Variants in IL2RB observed in about 807,000 individuals in gnomAD.
IL2RB encodes the protein interleukin 2 receptor subunit beta, also known as interleukin-2 receptor subunit beta.
A neutral mutation model predicts 44.2 loss-of-function variants in IL2RB; 17 were observed. The observed-to-expected ratio is 0.38, with a 90% CI of 0.26 to 0.58. IL2RB has a LOEUF of 0.58. Among genes scored for constraint, IL2RB ranks in the 20% least tolerant of loss-of-function variants. IL2RB has a pLI of 0.63. For synonymous variants in IL2RB, 286 were observed against 297.9 expected, an observed-to-expected ratio of 0.96 and a Z score of 0.41; for missense variants, 624 against 685.5, an observed-to-expected ratio of 0.91 and a Z score of 1.00.
At chr22:37,145,982 G>A (rs1304378348) in intron 1 of IL2RB, among the ~76,000 whole-genome samples, 2 of 152,050 alleles carry the variant, frequency 1.3e-5, no homozygotes, top group East Asian at 3.9e-4. Context: ...CGTCCCTCCC[G>A]ATGGTCTGCA....
chr22:37,130,930 G>C (rs1249328529), intron 9 of IL2RB, among the ~76,000 whole-genome samples: 5 of 152,356 alleles, frequency 3.3e-5, no homozygotes, highest in African/African-American at 9.6e-5. Flanking sequence ...ACTTTGGGAG[G>C]CCGAGGCGGG....
At chr22:37,135,086 G>A (rs534278148) in intron 8 of IL2RB, among the ~76,000 whole-genome samples, 1 of 152,120 alleles carries the variant, frequency 6.6e-6, no homozygotes, top group Non-Finnish European at 1.5e-5. Flanking sequence ...GCCCCCCTGT[G>A]GGGATGCGAC....
chr22:37,137,504 T>G, intron 6 of IL2RB, 83 bp downstream of exon 6: 1 of 1,477,218 alleles, frequency 6.8e-7, no homozygotes, highest in East Asian at 2.3e-5. Flanking sequence ...TGAGGGGACC[T>G]CGACACAATG....
chr22:37,137,546 A>G (rs763844954), intron 6 of IL2RB, 41 bp downstream of exon 6: 2 of 1,608,150 alleles, frequency 1.2e-6, no homozygotes, highest in Non-Finnish European at 1.7e-6. Flanking sequence ...CAGGACAGGA[A>G]GGAGGAACCA....
At position 37,126,512 on chromosome 22, in the gene IL2RB, A is replaced by C. The variant is rs1307889792; in HGVS notation, c.*1584T>G. The C allele has an allele frequency of 3.3e-5, 5 of 152,222 alleles. No individual in the cohort carries two copies. The highest frequency in any genetic ancestry group is 7.3e-5 in the Non-Finnish European group (5 of 68,066). The allele number at this position is 152,222 out of a possible 1,614,324, so 9.4% of individuals were successfully genotyped here. ...CTCCCTCCCTGAGTTCAAACGCCCA[A>C]GACAGAGTTGATCTGATTGGCTAGT... On this transcript the variant is annotated 3_prime_UTR_variant, in exon 10 of 10. Transcript: ENST00000216223.
intron 1 of IL2RB, among the ~76,000 whole-genome samples, chr22:37,146,410 G>A (rs771678237): frequency 6.6e-6 from 1 of 152,136 alleles, no homozygotes. Flanking sequence ...ACAGGAGCAG[G>A]TGCATGTACC....
intron 1 of IL2RB, among the ~76,000 whole-genome samples, chr22:37,145,780 C>A (rs1922195140): frequency 6.6e-6 from 1 of 151,954 alleles, no homozygotes; most frequent in South Asian, 2.1e-4. Flanking sequence ...GAACATCCTT[C>A]CCTCCCTCCT....
upstream of IL2RB, among the ~76,000 whole-genome samples, chr22:37,153,342 T>C (rs1248649944): frequency 6.6e-6 from 1 of 152,180 alleles, no homozygotes; most frequent in Admixed American, 6.5e-5. Context: ...CCAACTCCCA[T>C]GTGCAAAGCC....
intron 1 of IL2RB, among the ~76,000 whole-genome samples, chr22:37,163,879 CTGAGACCAGCTCAT>C (rs1299440229): frequency 6.6e-6 from 1 of 152,262 alleles, no homozygotes; most frequent in Non-Finnish European, 1.5e-5. Context: ...CTGGAGGAAA[CTGAGACCAGCTCAT>C]TCCTCAGTGC....
intron 1 of IL2RB, among the ~76,000 whole-genome samples, chr22:37,146,688 G>A (rs1029534795): frequency 3.3e-5 from 5 of 152,206 alleles, no homozygotes; most frequent in East Asian, 1.9e-4. Context: ...CAGCAGGGCC[G>A]GCGTTGACCA....
At chr22:37,158,434 C>T (rs969267260) in intron 1 of IL2RB, among the ~76,000 whole-genome samples, 5 of 152,032 alleles carry the variant, frequency 3.3e-5, no homozygotes, top group Non-Finnish European at 7.4e-5. Flanking sequence ...GTGGGCACCC[C>T]GTAGTCCCAG....
intron 1 of IL2RB, among the ~76,000 whole-genome samples, chr22:37,158,428 G>A (rs886838745): frequency 2.6e-5 from 4 of 152,120 alleles, no homozygotes; most frequent in Non-Finnish European, 5.9e-5. Flanking sequence ...GTGGTGGTGG[G>A]CACCCCGTAG....
upstream of IL2RB, among the ~76,000 whole-genome samples, chr22:37,154,700 C>T (rs1922618224): frequency 6.6e-6 from 1 of 151,960 alleles, no homozygotes; most frequent in Admixed American, 6.6e-5. Context: ...CTCAGCTTCC[C>T]GAGTAGCTGG....
chr22:37,164,045 C>G (rs1386105792), intron 1 of IL2RB, among the ~76,000 whole-genome samples: 1 of 152,222 alleles, frequency 6.6e-6, no homozygotes, highest in Non-Finnish European at 1.5e-5. Context: ...CACATGGGAC[C>G]TCTGGAAACA....
intron 1 of IL2RB, among the ~76,000 whole-genome samples, chr22:37,156,026 C>T (rs1922668958): frequency 6.6e-6 from 1 of 152,192 alleles, no homozygotes. Context: ...AGACTGCATC[C>T]TCCTCAGTCC....
At chr22:37,162,312 G>C (rs1337900288) in intron 1 of IL2RB, among the ~76,000 whole-genome samples, 1 of 152,182 alleles carries the variant, frequency 6.6e-6, no homozygotes, top group Non-Finnish European at 1.5e-5. Flanking sequence ...CTCAAGGACA[G>C]TACGGGAGGT....
upstream of IL2RB, among the ~76,000 whole-genome samples, chr22:37,151,363 C>G (rs1236112707): frequency 1.3e-5 from 2 of 152,202 alleles, no homozygotes; most frequent in African/African-American, 4.8e-5. Flanking sequence ...TATATGTTTT[C>G]TTTTGAGAAC....
At chr22:37,143,440 A>G in intron 3 of IL2RB, 81 bp downstream of exon 3, 1 of 910,998 alleles carries the variant, frequency 1.1e-6, no homozygotes, top group South Asian at 1.4e-5. Context: ...GTAAACGTTG[A>G]CTCCTTGGAG....
intron 1 of IL2RB, among the ~76,000 whole-genome samples, chr22:37,157,714 A>C (rs1284198484): frequency 6.6e-6 from 1 of 152,188 alleles, no homozygotes; most frequent in Non-Finnish European, 1.5e-5. Context: ...TCTGGGCACA[A>C]GCCAGTTACC....
Sources: allele counts gnomAD v4.1 joint callset (sites outside exome capture counted in the v4.1 genomes callset), GRCh38; gene constraint gnomAD v4.1.1; transcripts MANE v1.5; gene names NCBI Gene and HGNC (gene_info 2026-07-23, HGNC 2026-07-21).